The following AGMO variants were observed in gnomAD, a reference collection of about 807,000 sequenced individuals.
The protein encoded by AGMO is glyceryl-ether monooxygenase.
Under a neutral mutation model 60.2 loss-of-function variants are expected in AGMO, and 75 were observed. That is an observed-to-expected ratio of 1.25 (90% CI 1.03 to 1.51). AGMO has a LOEUF of 1.51. Among genes scored for constraint, AGMO ranks in the 40% most tolerant of loss-of-function variants. AGMO has a pLI of 0.00. For missense variants in AGMO, 763 were observed against 525.5 expected (o/e 1.45, Z -4.42); for synonymous variants, 261 against 177.1 (o/e 1.47, Z -3.76).
At chr7:15,161,663 T>C in the AGMO span, among the ~76,000 whole-genome samples, 1 of 151,386 alleles carries the variant, frequency 6.6e-6, no homozygotes, top group Non-Finnish European at 1.5e-5. Flanking sequence ...ATAATCCATA[T>C]ATGGATTAAT....
intron 12 of AGMO, among the ~76,000 whole-genome samples, chr7:15,352,188 TCTTCAGTTTG>T (rs1346620221): frequency 6.6e-6 from 1 of 152,054 alleles, no homozygotes; most frequent in Non-Finnish European, 1.5e-5. Flanking sequence ...CCGCCATAGA[TCTTCAGTTTG>T]CTCATTATGG....
chr7:15,147,499 G>A, the AGMO span, among the ~76,000 whole-genome samples: 1 of 152,058 alleles, frequency 6.6e-6, no homozygotes, highest in East Asian at 1.9e-4. Flanking sequence ...CATAAGACCC[G>A]CCTCCACGAT....
chr7:15,427,585 A>G lies in AGMO; in HGVS notation c.513+3420T>C, dbSNP rs183571717. On this transcript the variant is annotated intron_variant, in intron 4 of 12. Transcript: ENST00000342526. ...TTTGCTCTGAATATAAAATTTCAGC[A>G]TTCAAGTACTTTATCTATAATGTCA... Among the ~76,000 whole-genome samples the G allele has an allele frequency of 1.2e-4, 19 of 152,334 alleles. No individual in the cohort carries two copies. In the East Asian group the frequency reaches 3.7e-3, roughly 29 times the overall value.
chr7:15,172,915 A>T, the AGMO span, among the ~76,000 whole-genome samples: 1 of 152,148 alleles, frequency 6.6e-6, no homozygotes, highest in African/African-American at 2.4e-5. Flanking sequence ...AAAACCTTAC[A>T]ATCACAAGTG....
At position 15,388,900 on chromosome 7, in the gene AGMO, A is replaced by C. The variant is rs539361340; in HGVS notation, c.823-1360T>G. Among the ~76,000 whole-genome samples, 4 of 152,308 alleles carry C rather than the reference A, an allele frequency of 2.6e-5. No individual in the cohort carries two copies. In the East Asian group the frequency reaches 7.7e-4, roughly 29 times the overall value. ...AACCTTAGACCCACTTGTGGCAATTACTATGCTGAAGGAAATGTGAGGGGG... is the reference window on the plus strand; with the variant it reads ...AACCTTAGACCCACTTGTGGCAATTCCTATGCTGAAGGAAATGTGAGGGGG... On this transcript the variant is annotated intron_variant, in intron 8 of 12. Coordinates refer to ENST00000342526, the MANE Select transcript of AGMO (RefSeq NM_001004320.2).
chr7:15,381,456 C>A (rs545215891), intron 10 of AGMO, among the ~76,000 whole-genome samples: 1 of 151,868 alleles, frequency 6.6e-6, no homozygotes, highest in African/African-American at 2.4e-5. Context: ...TAGAGAAATG[C>A]AAATCAAAAC....
intron 12 of AGMO, among the ~76,000 whole-genome samples, chr7:15,236,126 C>T (rs1047682173): frequency 2.8e-4 from 43 of 152,088 alleles, no homozygotes; most frequent in African/African-American, 1.0e-3. Context: ...AGGTTACACA[C>T]TGGAAAATAT....
chr7:15,492,358 G>GA (rs67387904), intron 3 of AGMO, among the ~76,000 whole-genome samples: 9,563 of 116,610 alleles, frequency 0.082, 606 homozygotes, highest in African/African-American at 0.19. Flanking sequence ...GGCCCAATAC[G>GA]AAAAAAAAAA....
intron 4 of AGMO, among the ~76,000 whole-genome samples, chr7:15,421,934 C>T (rs1780938169): frequency 6.6e-6 from 1 of 152,014 alleles, no homozygotes; most frequent in South Asian, 2.1e-4. Flanking sequence ...GAGGCTGAAA[C>T]AGGACAGTCT....
chr7:15,264,850 A>T (rs1294335281), intron 12 of AGMO, among the ~76,000 whole-genome samples: 1 of 152,138 alleles, frequency 6.6e-6, no homozygotes, highest in African/African-American at 2.4e-5. Context: ...AAATTAGTTC[A>T]GTCACTGTGG....
At chr7:15,432,838 T>G (rs538860102) in intron 3 of AGMO, among the ~76,000 whole-genome samples, 13 of 152,004 alleles carry the variant, frequency 8.6e-5, no homozygotes, top group Non-Finnish European at 1.6e-4. Context: ...TCTGGTTTAT[T>G]GATAAGCCTA....
intron 12 of AGMO, among the ~76,000 whole-genome samples, chr7:15,255,948 A>G (rs1056758506): frequency 8.5e-5 from 13 of 152,234 alleles, no homozygotes; most frequent in African/African-American, 3.1e-4. Context: ...TTCAATCTGA[A>G]TAAGAGAGAA....
the AGMO span, among the ~76,000 whole-genome samples, chr7:15,129,008 G>T: frequency 1.3e-5 from 2 of 152,072 alleles, no homozygotes; most frequent in Non-Finnish European, 2.9e-5. Flanking sequence ...GAGGCTGTTT[G>T]AATGCGGGTG....
intron 10 of AGMO, among the ~76,000 whole-genome samples, chr7:15,381,614 G>T (rs1291862264): frequency 1.3e-5 from 2 of 152,058 alleles, no homozygotes; most frequent in Non-Finnish European, 2.9e-5. Flanking sequence ...AAGACAGTGT[G>T]GAATTCCTCA....
At chr7:15,485,304 A>AAG (rs1281028532) in intron 3 of AGMO, among the ~76,000 whole-genome samples, 1 of 152,072 alleles carries the variant, frequency 6.6e-6, no homozygotes, top group Admixed American at 6.6e-5. Context: ...GAGACAGGGC[A>AAG]AGATTCTGTT....
At chr7:15,278,052 C>G (rs974512945) in intron 12 of AGMO, among the ~76,000 whole-genome samples, 1 of 152,088 alleles carries the variant, frequency 6.6e-6, no homozygotes, top group African/African-American at 2.4e-5. Context: ...GGGCTCATGA[C>G]TCTCAGGTTA....
chr7:15,453,222 T>C (rs1168936401), intron 3 of AGMO, among the ~76,000 whole-genome samples: 1 of 152,194 alleles, frequency 6.6e-6, no homozygotes, highest in Non-Finnish European at 1.5e-5. Flanking sequence ...TGTTATGGTA[T>C]GTTAATTATA....
At chr7:15,361,834 C>G (rs554952572) in intron 12 of AGMO, among the ~76,000 whole-genome samples, 2 of 152,240 alleles carry the variant, frequency 1.3e-5, no homozygotes, top group East Asian at 3.9e-4. Context: ...ACCATGCAGA[C>G]TTACTAAGTT....
At chr7:15,385,297 G>C (rs1022391720) in intron 10 of AGMO, 149 bp downstream of exon 10, 8 of 551,192 alleles carry the variant, frequency 1.5e-5, no homozygotes, top group Admixed American at 1.1e-4. Flanking sequence ...TAGAAGATTT[G>C]TTTTACCTAT....
Sources: allele counts gnomAD v4.1 joint callset (sites outside exome capture counted in the v4.1 genomes callset), GRCh38; gene constraint gnomAD v4.1.1; transcripts MANE v1.5; gene names NCBI Gene and HGNC (gene_info 2026-07-23, HGNC 2026-07-21).